The following WDR49 variants were observed in gnomAD, a reference collection of about 807,000 sequenced individuals.
WDR49 encodes WD repeat domain 49.
In WDR49, 107 loss-of-function variants were observed where a neutral mutation model predicts 119.5. That is an observed-to-expected ratio of 0.90 (90% CI 0.77 to 1.05). WDR49 has a LOEUF of 1.05. WDR49 is among the 50% of genes least tolerant of loss of function. The pLI, the probability that WDR49 is intolerant of heterozygous loss-of-function variation, is 0.00. For missense variants in WDR49, 1,240 were observed against 1,220.5 expected, an observed-to-expected ratio of 1.02 and a Z score of -0.24; for synonymous variants, 425 against 418.8, an observed-to-expected ratio of 1.01 and a Z score of -0.18.
chr3:167,653,343 GTTACACC>G lies in WDR49; in HGVS notation c.76_82del (p.Gly26LeufsTer21). ...GCCTGTGCCATAGTCTTCAAATGCA[GTTACACC>G]TTCTGTTCTCTCAGGACTCTTTGGC... On this transcript the variant is annotated frameshift_variant, in exon 2 of 19. Coordinates refer to ENST00000682715, the MANE Select transcript of WDR49 (RefSeq NM_001366157.1). LOFTEE classifies it high-confidence loss of function. The G allele has an allele frequency of 6.5e-7, 1 of 1,536,154 alleles. No individual in the cohort carries two copies. The highest frequency in any genetic ancestry group is 8.7e-7 in the Non-Finnish European group (1 of 1,146,896).
At chr3:167,634,740 T>C (rs1254469035) in intron 2 of WDR49, among the ~76,000 whole-genome samples, 1 of 151,860 alleles carries the variant, frequency 6.6e-6, no homozygotes, top group South Asian at 2.1e-4. Flanking sequence ...TCGTGTGCCA[T>C]TGGCAACATG....
chr3:167,612,661 G>T (rs537387514), intron 5 of WDR49, among the ~76,000 whole-genome samples: 1 of 152,256 alleles, frequency 6.6e-6, no homozygotes, highest in East Asian at 1.9e-4. Context: ...AAATTCAGAA[G>T]ATTGTTAATG....
At chr3:167,626,341 A>G (rs566014087) in intron 3 of WDR49, among the ~76,000 whole-genome samples, 1 of 152,144 alleles carries the variant, frequency 6.6e-6, no homozygotes, top group South Asian at 2.1e-4. Flanking sequence ...TCTGCTTCAT[A>G]TAAATTATTA....
At chr3:167,635,798 T>C (rs1303533328) in intron 2 of WDR49, among the ~76,000 whole-genome samples, 5 of 151,644 alleles carry the variant, frequency 3.3e-5, no homozygotes, top group Non-Finnish European at 7.4e-5. Flanking sequence ...AATAGGTCCA[T>C]CCATCCTTCC....
At chr3:167,500,132 G>A (rs778694695) in intron 18 of WDR49, 21 bp downstream of exon 18, 1 of 1,544,666 alleles carries the variant, frequency 6.5e-7, no homozygotes, top group Non-Finnish European at 8.6e-7. Context: ...TAATAGAGGT[G>A]TATGATGGCT....
intron 17 of WDR49, among the ~76,000 whole-genome samples, chr3:167,504,893 C>G (rs950744396): frequency 1.3e-5 from 2 of 152,120 alleles, no homozygotes; most frequent in African/African-American, 4.8e-5. Flanking sequence ...GCACCTCCCC[C>G]ACTCCCTCTT....
chr3:167,604,982 T>C (rs1013184242), intron 5 of WDR49, among the ~76,000 whole-genome samples: 3 of 152,094 alleles, frequency 2.0e-5, no homozygotes, highest in East Asian at 3.9e-4. Flanking sequence ...TATCTAGTTT[T>C]ACTATTTTGG....
intron 10 of WDR49, among the ~76,000 whole-genome samples, chr3:167,539,205 GA>G (rs1453243597): frequency 6.6e-6 from 1 of 152,096 alleles, no homozygotes; most frequent in African/African-American, 2.4e-5. Context: ...TTCAAAAAAA[GA>G]ATTCAAAGTT....
intron 18 of WDR49, 111 bp downstream of exon 18, chr3:167,500,042 C>T (rs1577199785): frequency 7.9e-7 from 1 of 1,267,280 alleles, no homozygotes; most frequent in Non-Finnish European, 1.0e-6. Context: ...CTTTGTTTCA[C>T]TGCAAACTAC....
intron 7 of WDR49, among the ~76,000 whole-genome samples, chr3:167,588,515 T>A (rs1482302431): frequency 5.9e-5 from 9 of 151,994 alleles, no homozygotes; most frequent in Admixed American, 5.9e-4. Context: ...TTTAGCTCTA[T>A]TACAGTGGTT....
At chr3:167,501,503 G>A (rs952013850) in intron 17 of WDR49, among the ~76,000 whole-genome samples, 2 of 152,162 alleles carry the variant, frequency 1.3e-5, no homozygotes, top group African/African-American at 4.8e-5. Context: ...CCGTGGAGTA[G>A]ATTAGTTGAT....
chr3:167,552,401 A>T (rs1712629540), intron 10 of WDR49, among the ~76,000 whole-genome samples: 1 of 152,086 alleles, frequency 6.6e-6, no homozygotes, highest in South Asian at 2.1e-4. Flanking sequence ...GCTCTGAATT[A>T]TACTAATACT....
intron 12 of WDR49, 94 bp from the exon 13 acceptor site, chr3:167,531,373 T>C (rs1752849229): frequency 1.5e-6 from 2 of 1,365,388 alleles, no homozygotes; most frequent in Non-Finnish European, 2.0e-6. Context: ...TCTATCACTA[T>C]ATCCATTGAC....
chr3:167,635,024 T>C (rs964607361), intron 2 of WDR49, among the ~76,000 whole-genome samples: 3 of 151,798 alleles, frequency 2.0e-5, no homozygotes, highest in African/African-American at 7.2e-5. Context: ...TTTTAATGGC[T>C]GCACAATATT....
chr3:167,519,155 G>A (rs190764764), intron 16 of WDR49, among the ~76,000 whole-genome samples: 8 of 152,226 alleles, frequency 5.3e-5, no homozygotes, highest in South Asian at 2.1e-4. Context: ...AGAGAGATAC[G>A]AATGCTTTTG....
chr3:167,610,034 A>G (rs1251617030), intron 5 of WDR49, among the ~76,000 whole-genome samples: 1 of 152,222 alleles, frequency 6.6e-6, no homozygotes, highest in Non-Finnish European at 1.5e-5. Context: ...CTGATGCAAT[A>G]TCCAGGTATT....
intron 10 of WDR49, among the ~76,000 whole-genome samples, chr3:167,551,146 C>T (rs1712535032): frequency 6.6e-6 from 1 of 151,998 alleles, no homozygotes; most frequent in Non-Finnish European, 1.5e-5. Context: ...CATGTGCTCT[C>T]TAGTTCATTT....
At chr3:167,531,063 T>C in intron 13 of WDR49, 52 bp downstream of exon 13, 2 of 1,563,130 alleles carry the variant, frequency 1.3e-6, no homozygotes, top group African/African-American at 1.4e-5. Flanking sequence ...AGATTGGATT[T>C]TCTTTATTGC....
In WDR49 at chr3:167,621,515, A is replaced by G; in HGVS notation, c.735T>C (p.Pro245=). Residue 245 remains proline (P), a synonymous_variant, in exon 4 of 19, where the codon CCT becomes CCC. Coordinates refer to ENST00000682715, the MANE Select transcript of WDR49 (RefSeq NM_001366157.1). ...TPICMDYWYD[P]LDANESILSF... ...AAAGAATTGATTCATTGGCATCAAG[A>G]GGATCATACCAATAATCCATGCAAA... is the stretch of plus-strand genomic sequence containing the variant. 1 of 1,535,172 alleles carries G rather than the reference A, an allele frequency of 6.5e-7. No individual in the cohort carries two copies. Among genetic ancestry groups the G allele is most frequent in the Non-Finnish European group, 8.7e-7 (1 of 1,146,286 alleles).
Sources: gnomAD v4.1 joint callset for allele counts (sites outside exome capture counted in the v4.1 genomes callset) on GRCh38, gnomAD v4.1.1 for gene constraint, MANE v1.5 for transcripts, NCBI Gene and HGNC (gene_info 2026-07-23, HGNC 2026-07-21) for gene names.